FBXO34: variants seen among roughly 807,000 people sequenced by gnomAD.
FBXO34 encodes the protein F-box protein 34.
A neutral mutation model predicts 24.5 loss-of-function variants in FBXO34; 12 were observed. That is an observed-to-expected ratio of 0.49 (90% CI 0.31 to 0.79). The LOEUF is 0.79. FBXO34 is among the 30% of genes least tolerant of loss of function. The pLI, the probability that FBXO34 is intolerant of heterozygous loss-of-function variation, is 0.04. For synonymous variants in FBXO34, 320 were observed against 311.9 expected, an observed-to-expected ratio of 1.03 and a Z score of -0.27; for missense variants, 823 against 857.7, an observed-to-expected ratio of 0.96 and a Z score of 0.51.
intron 1 of FBXO34, among the ~76,000 whole-genome samples, chr14:55,334,933 ACT>A (rs925398861): frequency 6.6e-6 from 1 of 151,770 alleles, no homozygotes; most frequent in African/African-American, 2.4e-5. Flanking sequence ...GGTAGAACAA[ACT>A]CTTCCTTGTG....
At chr14:55,432,245 C>CAAA in the FBXO34 span, among the ~76,000 whole-genome samples, 5 of 122,004 alleles carry the variant, frequency 4.1e-5, no homozygotes, top group Admixed American at 8.5e-5. Context: ...CCCGTCTCTA[C>CAAA]AAAAAAAAAA....
At chr14:55,349,424 A>G (rs1242799514) in intron 1 of FBXO34, among the ~76,000 whole-genome samples, 1 of 152,014 alleles carries the variant, frequency 6.6e-6, no homozygotes, top group East Asian at 1.9e-4. Flanking sequence ...ATTAATAAGG[A>G]CTGTAGGGTC....
At chr14:55,397,222 T>G in the FBXO34 span, 1 of 731,944 alleles carries the variant, frequency 1.4e-6, no homozygotes, top group Admixed American at 2.4e-5. Context: ...GCTTTACCTC[T>G]CCCACATGCA....
At chr14:55,368,917 C>T (rs1001013810), downstream of FBXO34, 9 of 152,614 alleles carry the variant, frequency 5.9e-5, no homozygotes, top group African/African-American at 1.2e-4. Context: ...TAGTTAAAAA[C>T]TCTCTAGACA....
chr14:55,422,056 A>G, the FBXO34 span, among the ~76,000 whole-genome samples: 2 of 152,242 alleles, frequency 1.3e-5, no homozygotes, highest in African/African-American at 2.4e-5. Flanking sequence ...TATTAAAGCT[A>G]CAATAAGATA....
At chr14:55,368,810 C>G (rs1264182738), downstream of FBXO34, 1 of 152,180 alleles carries the variant, frequency 6.6e-6, no homozygotes, top group Admixed American at 6.5e-5. Context: ...TATTTTCACC[C>G]AGAAAATATA....
At chr14:55,433,712 CA>C in the FBXO34 span, 1 of 1,613,982 alleles carries the variant, frequency 6.2e-7, no homozygotes, top group Non-Finnish European at 8.5e-7. Flanking sequence ...ATTATGACAG[CA>C]GCAAACCTCT....
chr14:55,365,281 C>T (rs1307787650), downstream of FBXO34, among the ~76,000 whole-genome samples: 1 of 151,642 alleles, frequency 6.6e-6, no homozygotes, highest in Non-Finnish European at 1.5e-5. Flanking sequence ...GCAAGTTGGC[C>T]TTGAACTTCT....
chr14:55,351,637 T>C lies in FBXO34; in HGVS notation c.1247T>C (p.Phe416Ser). Reference protein sequence around the residue: ...EMTDELVGLPFSSHTYSQASE... With the variant: ...EMTDELVGLPSSSHTYSQASE... Reference sequence around the variant, plus strand: ...ACAGATGAACTCGTTGGGTTACCTTTTTCCTCTCATACCTATTCCCAAGCC... The same window carrying C: ...ACAGATGAACTCGTTGGGTTACCTTCTTCCTCTCATACCTATTCCCAAGCC... Residue 416 changes from phenylalanine to serine, a missense_variant, in exon 2 of 2, where the codon TTT becomes TCT. Physicochemically the swap from Phe to Ser is radical, Grantham distance 155. Transcript: ENST00000313833. 1 of 1,614,218 alleles carries C rather than the reference T, an allele frequency of 6.2e-7. No homozygotes were observed. The highest frequency in any genetic ancestry group is 8.5e-7 in the Non-Finnish European group (1 of 1,180,032).
At chr14:55,437,140 T>C in the FBXO34 span, 1 of 829,536 alleles carries the variant, frequency 1.2e-6, no homozygotes, top group Middle Eastern at 3.5e-4. Flanking sequence ...AGTTCAAGAT[T>C]GCTTGTATTC....
chr14:55,361,128 A>G lies in FBXO34; in HGVS notation c.*589-605A>G, dbSNP rs373937817. On this transcript the variant is annotated intron_variant and NMD_transcript_variant, in intron 3 of 3. Transcript: ENST00000555280. ...GCCCAGATCCATCAGAGGAATCACTATCCATAGCAGCTGTAGCGTTACAAA... is the reference window on the plus strand; with the variant it reads ...GCCCAGATCCATCAGAGGAATCACTGTCCATAGCAGCTGTAGCGTTACAAA... Among the ~76,000 whole-genome samples, 11 of 152,362 alleles carry G rather than the reference A, an allele frequency of 7.2e-5. No individual in the cohort carries two copies. In the South Asian group the frequency reaches 1.0e-3, roughly 14 times the overall value.
intron 1 of FBXO34, among the ~76,000 whole-genome samples, chr14:55,349,128 G>A (rs1884255254): frequency 6.6e-6 from 1 of 152,004 alleles, no homozygotes; most frequent in East Asian, 1.9e-4. Flanking sequence ...AGGGTGTTTT[G>A]TGTAGCAGTG....
intron 1 of FBXO34, among the ~76,000 whole-genome samples, chr14:55,299,415 G>A (rs529901942): frequency 4.0e-5 from 6 of 151,394 alleles, no homozygotes; most frequent in Non-Finnish European, 7.4e-5. Flanking sequence ...GGGGGGTTGC[G>A]GGGCACGGGG....
chr14:55,439,930 C>CA, the FBXO34 span, among the ~76,000 whole-genome samples: 3,147 of 39,170 alleles, frequency 0.08, 322 homozygotes, highest in African/African-American at 0.14. Flanking sequence ...GACTCTGTCT[C>CA]AAAAAAAAAA....
intron 1 of FBXO34, chr14:55,298,735 G>C: frequency 6.4e-6 from 10 of 1,570,742 alleles, no homozygotes; most frequent in Non-Finnish European, 8.7e-6. Context: ...GAGATGTTAA[G>C]CAAGAAACAG....
chr14:55,319,070 A>C (rs1109170), intron 1 of FBXO34, among the ~76,000 whole-genome samples: 84,786 of 151,974 alleles, frequency 0.56, 26,678 homozygotes, highest in African/African-American at 0.87. Context: ...ATGAAGGTGG[A>C]AATTTAAGTA....
At chr14:55,413,305 A>G in the FBXO34 span, among the ~76,000 whole-genome samples, 2 of 152,258 alleles carry the variant, frequency 1.3e-5, no homozygotes, top group African/African-American at 4.8e-5. Flanking sequence ...TTTAAAAGGC[A>G]AAAAATACAC....
chr14:55,327,623 G>A (rs1883382495), intron 1 of FBXO34, among the ~76,000 whole-genome samples: 1 of 152,096 alleles, frequency 6.6e-6, no homozygotes, highest in Admixed American at 6.5e-5. Flanking sequence ...GAAAGATTTT[G>A]GAGAGTAGTA....
At chr14:55,431,206 C>G in the FBXO34 span, among the ~76,000 whole-genome samples, 1 of 151,992 alleles carries the variant, frequency 6.6e-6, no homozygotes, top group Non-Finnish European at 1.5e-5. Flanking sequence ...TAAATTCTCA[C>G]AACTCACTAT....
Sources: gnomAD v4.1 joint callset for allele counts (sites outside exome capture counted in the v4.1 genomes callset) on GRCh38, gnomAD v4.1.1 for gene constraint, MANE v1.5 for transcripts, NCBI Gene and HGNC (gene_info 2026-07-23, HGNC 2026-07-21) for gene names.